RBFOX1: variants seen among roughly 807,000 people sequenced by gnomAD.
RBFOX1 encodes RNA binding protein fox-1 homolog 1.
A neutral mutation model predicts 57.7 loss-of-function variants in RBFOX1; 8 were observed. The ratio of observed to expected loss-of-function variants is 0.14; its 90% CI spans 0.08 to 0.25. The LOEUF (loss-of-function observed/expected upper bound fraction) is 0.25, where lower values mean the gene tolerates loss of function less well. Among genes scored for constraint, RBFOX1 ranks in the 10% least tolerant of loss-of-function variants. The pLI, the probability that RBFOX1 is intolerant of heterozygous loss-of-function variation, is 1.00. For missense variants in RBFOX1, 611 were observed against 548.5 expected (o/e 1.11, Z -1.14); for synonymous variants, 326 against 222.4 (o/e 1.47, Z -4.15).
chr16:6,460,577 A>C (rs769662475), intron 2 of RBFOX1, among the ~76,000 whole-genome samples: 2 of 152,202 alleles, frequency 1.3e-5, no homozygotes, highest in Non-Finnish European at 2.9e-5. Context: ...AATGGCGATT[A>C]TTAAAAAGTT....
Position 7,607,305 on chromosome 16 carries a change from G to C in RBFOX1, c.643G>C (p.Val215Leu), listed in dbSNP as rs141994899. The C allele has an allele frequency of 1.1e-4, 181 of 1,610,548 alleles. No homozygotes were observed. The highest frequency in any genetic ancestry group is 1.5e-4 in the Non-Finnish European group (174 of 1,179,084). ...TTAAGGCTGGAAATTGAATCCAGTTGTGGGTGCAGTCTACAGTCCCGAATT... is the reference window on the plus strand; with the variant it reads ...TTAAGGCTGGAAATTGAATCCAGTTCTGGGTGCAGTCTACAGTCCCGAATT... ...YTNGWKLNPVVGAVYSPEFYA... is the reference protein window; with the variant it reads ...YTNGWKLNPVLGAVYSPEFYA... The change falls in exon 10 of 16, where the codon GTG becomes CTG. Residue 215 changes from valine (V) to leucine (L), a missense_variant. Val to Leu is a conservative substitution (Grantham distance 32, BLOSUM62 1). Around this residue, in one of 3 missense-constraint regions of RBFOX1, gnomAD observed 99 missense variants for 160.3 expected, o/e 0.62. Transcript: ENST00000550418.
At chr16:6,567,486 C>T (rs1284639432) in intron 2 of RBFOX1, among the ~76,000 whole-genome samples, 1 of 152,186 alleles carries the variant, frequency 6.6e-6, no homozygotes, top group African/African-American at 2.4e-5. Context: ...TTCTTGGCTG[C>T]TCCAGCCACA....
chr16:6,556,506 CG>C (rs2097100347), intron 2 of RBFOX1, among the ~76,000 whole-genome samples: 1 of 152,154 alleles, frequency 6.6e-6, no homozygotes, highest in African/African-American at 2.4e-5. Flanking sequence ...AGGAAGTCCA[CG>C]GCGCATTAAG....
chr16:5,527,358 A>G (rs536931979), intron 2 of RBFOX1, among the ~76,000 whole-genome samples: 2 of 152,228 alleles, frequency 1.3e-5, no homozygotes, highest in Non-Finnish European at 2.9e-5. Flanking sequence ...CTCCTCCCCC[A>G]TACAGCGTCC....
At chr16:5,357,155 G>A (rs1006125656) in intron 1 of RBFOX1, among the ~76,000 whole-genome samples, 7 of 152,100 alleles carry the variant, frequency 4.6e-5, no homozygotes, top group Non-Finnish European at 7.4e-5. Flanking sequence ...CTCACTGCTC[G>A]AGCCCTTCCC....
chr16:6,859,119 ATATATATATACATATATATACG>A (rs2058444479), intron 3 of RBFOX1, among the ~76,000 whole-genome samples: 3 of 82,174 alleles, frequency 3.7e-5, no homozygotes, highest in Admixed American at 1.4e-4. Flanking sequence ...GTGTATATAT[ATATATATATACATATATATACG>A]TATATATATA....
At chr16:7,401,596 G>T (rs1048094558) in intron 4 of RBFOX1, among the ~76,000 whole-genome samples, 1 of 152,210 alleles carries the variant, frequency 6.6e-6, no homozygotes, top group Non-Finnish European at 1.5e-5. Flanking sequence ...TTTATGCTCT[G>T]TGTGATTCTG....
chr16:5,502,015 G>GCCCAGCT (rs1367996825), intron 2 of RBFOX1, among the ~76,000 whole-genome samples: 8 of 150,540 alleles, frequency 5.3e-5, no homozygotes, highest in Non-Finnish European at 1.0e-4. Context: ...GAGCCACCAT[G>GCCCAGCT]CCCAGCTCAC....
At chr16:6,296,887 C>T (rs913570895) in intron 1 of RBFOX1, among the ~76,000 whole-genome samples, 2 of 152,130 alleles carry the variant, frequency 1.3e-5, no homozygotes, top group Non-Finnish European at 2.9e-5. Context: ...CAGGATGAGT[C>T]TGCAGAGTAA....
At chr16:6,661,351 C>T (rs576008178) in intron 3 of RBFOX1, among the ~76,000 whole-genome samples, 4 of 152,214 alleles carry the variant, frequency 2.6e-5, no homozygotes, top group South Asian at 4.2e-4. Context: ...GAGGACAAGA[C>T]GGTGTAGAGA....
At chr16:6,936,433 C>T (rs2077372182) in intron 3 of RBFOX1, among the ~76,000 whole-genome samples, 3 of 152,134 alleles carry the variant, frequency 2.0e-5, no homozygotes, top group Admixed American at 1.3e-4. Context: ...TAATTGGATG[C>T]ATTTTGTTAG....
At chr16:6,992,186 T>C (rs533646412) in intron 3 of RBFOX1, among the ~76,000 whole-genome samples, 12 of 149,814 alleles carry the variant, frequency 8.0e-5, no homozygotes, top group African/African-American at 2.4e-4. Context: ...TTTTTTGAGA[T>C]GGAGTCTCAC....
intron 14 of RBFOX1, among the ~76,000 whole-genome samples, chr16:7,704,022 G>A (rs931511530): frequency 6.6e-6 from 1 of 152,142 alleles, no homozygotes; most frequent in Non-Finnish European, 1.5e-5. Context: ...TATTTACCTG[G>A]CTTTCTTGAA....
chr16:5,478,305 G>C (rs1221698371), intron 2 of RBFOX1, among the ~76,000 whole-genome samples: 2 of 151,978 alleles, frequency 1.3e-5, no homozygotes, highest in Non-Finnish European at 2.9e-5. Context: ...TGGGCTAGCA[G>C]AGGAGAAGGA....
intron 1 of RBFOX1, among the ~76,000 whole-genome samples, chr16:5,352,594 A>G (rs1474450784): frequency 6.6e-6 from 1 of 152,230 alleles, no homozygotes; most frequent in Admixed American, 6.5e-5. Context: ...AAGATCAAAC[A>G]CATTCTCTTA....
At chr16:7,335,229 C>G (rs1208570386) in intron 4 of RBFOX1, among the ~76,000 whole-genome samples, 1 of 152,214 alleles carries the variant, frequency 6.6e-6, no homozygotes, top group Admixed American at 6.5e-5. Flanking sequence ...GCAGACTCCA[C>G]TTGCTCACTA....
At chr16:6,526,840 A>AAC in intron 2 of RBFOX1, among the ~76,000 whole-genome samples, 1 of 138,476 alleles carries the variant, frequency 7.2e-6, no homozygotes, top group African/African-American at 3.0e-5. Flanking sequence ...AAAAAAAAAA[A>AAC]AAAAAAAAAA....
At chr16:7,028,607 CACAAAAAAAAAA>C (rs1295535915) in intron 3 of RBFOX1, among the ~76,000 whole-genome samples, 8 of 47,898 alleles carry the variant, frequency 1.7e-4, no homozygotes, top group African/African-American at 5.3e-4. Context: ...CACACACACA[CACAAAAAAAAAA>C]AAAAAAAAAA....
At chr16:6,525,530 C>G (rs2096566435) in intron 2 of RBFOX1, among the ~76,000 whole-genome samples, 1 of 152,166 alleles carries the variant, frequency 6.6e-6, no homozygotes, top group East Asian at 1.9e-4. Context: ...AACAAAACAT[C>G]ACAGACTGGG....
Sources: gnomAD v4.1 joint callset for allele counts (sites outside exome capture counted in the v4.1 genomes callset) on GRCh38, gnomAD v4.1.1 for gene constraint, gnomAD v4.1.1 regional missense constraint, MANE v1.5 for transcripts, NCBI Gene and HGNC (gene_info 2026-07-23, HGNC 2026-07-21) for gene names.